Variants in USP40 observed in about 807,000 individuals in gnomAD.
The protein encoded by USP40 is ubiquitin carboxyl-terminal hydrolase 40.
USP40 carries 143 observed loss-of-function variants against 166.2 expected under a neutral mutation model. The ratio of observed to expected loss-of-function variants is 0.86; its 90% CI spans 0.75 to 0.99. The LOEUF (loss-of-function observed/expected upper bound fraction) is 0.99. USP40 is among the 50% of genes least tolerant of loss of function. The probability of loss-of-function intolerance (pLI) is 0.00; values close to 1 mark genes in which losing one functional copy is unlikely to be tolerated. For missense variants in USP40, 1,444 were observed against 1,479.7 expected (o/e 0.98, Z 0.40); for synonymous variants, 498 against 524.0 (o/e 0.95, Z 0.68).
chr2:233,551,414 A>T lies in USP40; in HGVS notation c.799T>A (p.Phe267Ile). ...GGCTTGAGATTAATCCGGAGAGGGA[A>T]TGTATAACAGCTAGTTTCCTTGTAG... ...ERYKETSCYT[F>I]PLRINLKPFC... The change falls in exon 7 of 32, where the codon TTC becomes ATC. Residue 267 changes from phenylalanine (F) to isoleucine (I), a missense_variant. Coordinates refer to ENST00000678225, the MANE Select transcript of USP40 (RefSeq NM_001365479.2). 3 of 1,612,280 alleles carry T rather than the reference A, an allele frequency of 1.9e-6. No homozygotes were observed. The highest frequency in any genetic ancestry group is 2.5e-6 in the Non-Finnish European group (3 of 1,179,272).
intron 17 of USP40, 73 bp downstream of exon 17, chr2:233,520,918 A>T (rs1231974112): frequency 6.7e-7 from 1 of 1,501,692 alleles, no homozygotes; most frequent in Non-Finnish European, 9.0e-7. Flanking sequence ...CTGAAAGATT[A>T]AGGTATTGTT....
intron 7 of USP40, among the ~76,000 whole-genome samples, chr2:233,550,390 A>C (rs1255228599): frequency 6.6e-6 from 1 of 152,116 alleles, no homozygotes; most frequent in East Asian, 1.9e-4. Context: ...TTATAAAACA[A>C]GAAACAATTA....
intron 10 of USP40, among the ~76,000 whole-genome samples, chr2:233,535,605 A>C (rs2068875680): frequency 6.6e-6 from 1 of 152,158 alleles, no homozygotes; most frequent in Non-Finnish European, 1.5e-5. Flanking sequence ...AAAGCCCAAA[A>C]TTTAACTTCC....
Position 233,529,522 on chromosome 2 carries a change from A to C in USP40, c.1472-10T>G. On this transcript the variant is annotated splice_polypyrimidine_tract_variant and intron_variant, in intron 11 of 31. Transcript: ENST00000678225. ...CTTGGATTAGCTCGAGCTGTGAACAAAATTTTTCATTAACTTGTGTTGGCT... is the reference window on the plus strand; with the variant it reads ...CTTGGATTAGCTCGAGCTGTGAACACAATTTTTCATTAACTTGTGTTGGCT... The C allele has an allele frequency of 6.4e-7, 1 of 1,566,438 alleles. No individual in the cohort carries two copies. Among genetic ancestry groups the C allele is most frequent in the Non-Finnish European group, 8.7e-7 (1 of 1,154,316 alleles).
chr2:233,533,802 AT>A, intron 10 of USP40, 23 bp from the exon 11 acceptor site: 1 of 1,139,110 alleles, frequency 8.8e-7, no homozygotes, highest in Non-Finnish European at 1.2e-6. Flanking sequence ...AAAAAAAAAA[AT>A]GCTAAGTTAA....
chr2:233,493,149 G>A lies in USP40; in HGVS notation c.2917+276C>T, dbSNP rs143728704. On this transcript the variant is annotated intron_variant, in intron 25 of 31. Coordinates refer to ENST00000678225, the MANE Select transcript of USP40 (RefSeq NM_001365479.2). The surrounding 1 kb of genome is among the most constrained non-coding windows in gnomAD (Gnocchi z 4.7). ...GGGCCCCTGTTGCCCTGAGGATCTTGAGAGATGATACATAAAAGTCTTTGG... is the reference window on the plus strand; with the variant it reads ...GGGCCCCTGTTGCCCTGAGGATCTTAAGAGATGATACATAAAAGTCTTTGG... 147 of 491,312 alleles carry A rather than the reference G, an allele frequency of 3.0e-4. 1 individual carries two copies. The East Asian group carries it at 4.4e-3, about 15-fold the overall frequency. The allele number at this position is 491,312 out of a possible 1,614,324, so 30.4% of individuals were successfully genotyped here.
chr2:233,555,831 T>G (rs2071026059), intron 5 of USP40, among the ~76,000 whole-genome samples: 1 of 151,974 alleles, frequency 6.6e-6, no homozygotes, highest in South Asian at 2.1e-4. Flanking sequence ...ATGCTAATTT[T>G]GGGCCAGGCG....
chr2:233,511,985 T>C (rs1446936020), intron 19 of USP40, 188 bp from the exon 20 acceptor site: 3 of 502,028 alleles, frequency 6.0e-6, no homozygotes, highest in Non-Finnish European at 7.0e-6. Context: ...ACTCTTAAGA[T>C]ATTGTCTTCC....
intron 11 of USP40, among the ~76,000 whole-genome samples, chr2:233,530,174 A>G (rs2068399429): frequency 6.6e-6 from 1 of 151,202 alleles, no homozygotes; most frequent in African/African-American, 2.4e-5. Flanking sequence ...AGTGTAAAAG[A>G]AATAGATACT....
In USP40 at chr2:233,485,952, G is replaced by A; in HGVS notation, c.3223C>T (p.Gln1075Ter). The A allele has an allele frequency of 6.3e-7, 1 of 1,589,714 alleles. No individual in the cohort carries two copies. Among genetic ancestry groups the A allele is most frequent in the Non-Finnish European group, 8.5e-7 (1 of 1,169,844 alleles). The change falls in exon 29 of 32, where the codon CAG (glutamine) becomes TAG (stop). Residue 1075 changes from glutamine to a stop codon, truncating the protein, a stop_gained. Transcript: ENST00000678225. LOFTEE classifies it high-confidence loss of function. ...GTCCTCTCACCAGGGATGCGCACCT[G>A]TGTCCTCAGCAGCACGTCCTGGGGG... is the stretch of plus-strand genomic sequence containing the variant. The part of the protein sequence containing the change: ...LGPQDVLLRT[Q>*]VRIPGERTYA...
chr2:233,552,291 T>C (rs940076042), intron 6 of USP40, among the ~76,000 whole-genome samples: 33 of 147,414 alleles, frequency 2.2e-4, no homozygotes, highest in East Asian at 5.9e-4. Context: ...GCTCTAAAAA[T>C]GCATCTAAAA....
chr2:233,566,484 T>G (rs2072170450), intron 1 of USP40, among the ~76,000 whole-genome samples, 200 bp downstream of exon 1: 1 of 152,188 alleles, frequency 6.6e-6, no homozygotes, highest in Non-Finnish European at 1.5e-5. Flanking sequence ...GCCGAGGCCC[T>G]CCAAGCCACC....
intron 19 of USP40, 90 bp from the exon 20 acceptor site, chr2:233,511,887 C>G: frequency 9.7e-7 from 1 of 1,027,130 alleles, no homozygotes; most frequent in Non-Finnish European, 1.4e-6. Context: ...CTTTGAAAAT[C>G]AAGAATATCA....
At chr2:233,553,926 C>T (rs1007425763) in intron 6 of USP40, among the ~76,000 whole-genome samples, 1 of 152,188 alleles carries the variant, frequency 6.6e-6, no homozygotes, top group East Asian at 1.9e-4. Context: ...AAGTTAAATA[C>T]TCCCACCTGG....
chr2:233,489,970 G>A (rs1344278634), intron 26 of USP40: 1 of 155,752 alleles, frequency 6.4e-6, no homozygotes, highest in Non-Finnish European at 1.4e-5. Context: ...CAAACTGCTT[G>A]TTCTAATTCT....
chr2:233,510,563 T>G (rs1038929619), intron 20 of USP40, among the ~76,000 whole-genome samples: 1 of 151,834 alleles, frequency 6.6e-6, no homozygotes, highest in Non-Finnish European at 1.5e-5. Flanking sequence ...CCACTACGCC[T>G]GGCTAATTTT....
chr2:233,536,107 T>C (rs2068916026), intron 10 of USP40, among the ~76,000 whole-genome samples: 1 of 152,112 alleles, frequency 6.6e-6, no homozygotes, highest in Admixed American at 6.5e-5. Flanking sequence ...ACAGATGGAA[T>C]GGTCAATTCA....
chr2:233,548,789 C>T (rs77079481), intron 8 of USP40, among the ~76,000 whole-genome samples: 1,949 of 152,166 alleles, frequency 0.013, 39 homozygotes, highest in East Asian at 0.083. Flanking sequence ...TCAAACGGTT[C>T]GCACTAATAA....
intron 9 of USP40, among the ~76,000 whole-genome samples, chr2:233,541,360 T>C (rs1391418852): frequency 1.3e-5 from 2 of 152,172 alleles, no homozygotes; most frequent in Non-Finnish European, 2.9e-5. Flanking sequence ...CTGATTGGCA[T>C]TATCATAAGA....
Sources: gnomAD v4.1 joint callset for allele counts (sites outside exome capture counted in the v4.1 genomes callset) on GRCh38, gnomAD v4.1.1 for gene constraint, Gnocchi (gnomAD v3.1) non-coding constraint, MANE v1.5 for transcripts, NCBI Gene and HGNC (gene_info 2026-07-23, HGNC 2026-07-21) for gene names.